Variants in L3MBTL4 observed in about 807,000 individuals in gnomAD.
The protein encoded by L3MBTL4 is lethal(3)malignant brain tumor-like protein 4.
Under a neutral mutation model 84.5 loss-of-function variants are expected in L3MBTL4, and 70 were observed. That is an observed-to-expected ratio of 0.83 (90% CI 0.68 to 1.01). L3MBTL4 has a LOEUF of 1.01. Among genes scored for constraint, L3MBTL4 ranks in the 50% least tolerant of loss-of-function variants. L3MBTL4 has a pLI of 0.00. For synonymous variants in L3MBTL4, 274 were observed against 259.8 expected (o/e 1.05, Z -0.52); for missense variants, 715 against 754.8 (o/e 0.95, Z 0.62).
chr18:6,372,983 T>A (rs961253038), intron 1 of L3MBTL4, among the ~76,000 whole-genome samples: 6 of 152,220 alleles, frequency 3.9e-5, no homozygotes, highest in African/African-American at 1.4e-4. Flanking sequence ...CAAAGCACAT[T>A]TAAATATACA....
chr18:6,297,770 A>G (rs75604846), intron 4 of L3MBTL4, among the ~76,000 whole-genome samples: 3,214 of 152,334 alleles, frequency 0.021, 61 homozygotes, highest in Non-Finnish European at 0.033. Flanking sequence ...TTCTTACTCT[A>G]CAGGTAAGTG....
chr18:6,330,580 C>T (rs1042445116), intron 1 of L3MBTL4, among the ~76,000 whole-genome samples: 1 of 152,338 alleles, frequency 6.6e-6, no homozygotes, highest in Middle Eastern at 3.4e-3. Flanking sequence ...GAATATCTCC[C>T]TTAAAGTCAG....
chr18:6,050,810 T>C (rs1464898110), intron 16 of L3MBTL4, among the ~76,000 whole-genome samples: 1 of 152,172 alleles, frequency 6.6e-6, no homozygotes, highest in Non-Finnish European at 1.5e-5. Context: ...TCCCAGCTCA[T>C]AATGGGAAAA....
chr18:6,074,641 A>G (rs1300873716), intron 16 of L3MBTL4, among the ~76,000 whole-genome samples: 1 of 152,108 alleles, frequency 6.6e-6, no homozygotes, highest in Non-Finnish European at 1.5e-5. Context: ...TTGTTGGGGG[A>G]CTGGTGTTAT....
At chr18:6,087,045 T>C (rs2058281829) in intron 15 of L3MBTL4, among the ~76,000 whole-genome samples, 1 of 152,216 alleles carries the variant, frequency 6.6e-6, no homozygotes, top group Admixed American at 6.5e-5. Context: ...GTGATTTTCT[T>C]ATCACCAAGG....
chr18:6,370,244 G>A (rs987258599), intron 1 of L3MBTL4, among the ~76,000 whole-genome samples: 1 of 151,928 alleles, frequency 6.6e-6, no homozygotes, highest in Admixed American at 6.6e-5. Context: ...TCTCTTGCTT[G>A]TGCACCCAGG....
In L3MBTL4 at chr18:6,375,986, C is replaced by A. The variant is rs147774409; in HGVS notation, c.-91+38815G>T. On this transcript the variant is annotated intron_variant, in intron 1 of 18. Coordinates refer to ENST00000317931, the MANE Select transcript of L3MBTL4 (RefSeq NM_001330559.2). ...TGTTGTGGCTAAGAACTCATCCCTG[C>A]CCTGCTCAAGTTGCCAGTAGCTTCC... Among the ~76,000 whole-genome samples the A allele has an allele frequency of 3.3e-5, 5 of 152,284 alleles. No homozygotes were observed. In the East Asian group the frequency reaches 9.7e-4, roughly 29 times the overall value.
chr18:6,218,537 G>C (rs988544289), intron 10 of L3MBTL4, among the ~76,000 whole-genome samples: 8 of 152,154 alleles, frequency 5.3e-5, no homozygotes, highest in Admixed American at 3.3e-4. Context: ...CTGGTAAAGA[G>C]ACTTGGCATG....
At chr18:6,038,496 C>T (rs2056250643) in intron 16 of L3MBTL4, among the ~76,000 whole-genome samples, 1 of 151,990 alleles carries the variant, frequency 6.6e-6, no homozygotes, top group South Asian at 2.1e-4. Flanking sequence ...CCTCATGATC[C>T]TCCTGCCTCG....
intron 12 of L3MBTL4, among the ~76,000 whole-genome samples, chr18:6,208,116 AAAATAAAT>A (rs71163265): frequency 0.025 from 3,626 of 144,488 alleles, 100 homozygotes; most frequent in African/African-American, 0.068. Flanking sequence ...CCCTGTCTAA[AAAATAAAT>A]AAATAAATAA....
intron 14 of L3MBTL4, among the ~76,000 whole-genome samples, chr18:6,122,929 C>T (rs1304852368): frequency 6.6e-6 from 1 of 152,152 alleles, no homozygotes; most frequent in East Asian, 1.9e-4. Context: ...TTTTAATGCA[C>T]ATTACAGAGT....
intron 1 of L3MBTL4, among the ~76,000 whole-genome samples, chr18:6,362,441 T>C (rs1005894058): frequency 3.9e-5 from 6 of 152,214 alleles, no homozygotes; most frequent in African/African-American, 1.4e-4. Flanking sequence ...TCTCTCCTTC[T>C]GCTAACAGAG....
chr18:6,339,381 G>T (rs996663283), intron 1 of L3MBTL4, among the ~76,000 whole-genome samples: 4 of 152,164 alleles, frequency 2.6e-5, no homozygotes, highest in Non-Finnish European at 5.9e-5. Flanking sequence ...GAAATTGAAT[G>T]CTTCTAATAT....
chr18:6,315,913 G>A (rs1328579716), intron 1 of L3MBTL4, among the ~76,000 whole-genome samples: 2 of 152,130 alleles, frequency 1.3e-5, no homozygotes, highest in Non-Finnish European at 2.9e-5. Flanking sequence ...TATTAATTCT[G>A]CACCCATAAG....
chr18:6,095,379 G>C lies in L3MBTL4; in HGVS notation c.1200-1851C>G, dbSNP rs1173275150. Among the ~76,000 whole-genome samples, 27 of 137,626 alleles carry C rather than the reference G, an allele frequency of 2.0e-4. No individual in the cohort carries two copies. The Admixed American group carries it at 2.0e-3, about 10-fold the overall frequency. The allele number at this position is 137,626 out of a possible 152,430, so 90.3% of individuals were successfully genotyped here. ...TTTTTTTTTTTTGAGATGGAGTCTC[G>C]CTCCGTCGCCCAGGCTGGAGTGCAG... On this transcript the variant is annotated intron_variant, in intron 14 of 18. Transcript: ENST00000317931.
chr18:6,388,023 G>T (rs341196), intron 1 of L3MBTL4, among the ~76,000 whole-genome samples: 78,064 of 151,892 alleles, frequency 0.51, 20,138 homozygotes, highest in East Asian at 0.59. Flanking sequence ...GGTGCTCAGA[G>T]TCACCAGGCC....
intron 1 of L3MBTL4, among the ~76,000 whole-genome samples, chr18:6,400,167 TAA>T (rs2055449671): frequency 1.3e-5 from 2 of 152,218 alleles, no homozygotes; most frequent in Non-Finnish European, 2.9e-5. Flanking sequence ...TGTTTTATGT[TAA>T]ATGTATCACA....
intron 13 of L3MBTL4, among the ~76,000 whole-genome samples, chr18:6,138,736 G>A (rs1171904864): frequency 6.6e-6 from 1 of 152,080 alleles, no homozygotes; most frequent in African/African-American, 2.4e-5. Context: ...ATTTTTAGTA[G>A]AGACAGGGTT....
intron 14 of L3MBTL4, among the ~76,000 whole-genome samples, chr18:6,097,206 C>G (rs570627838): frequency 6.6e-6 from 1 of 152,232 alleles, no homozygotes; most frequent in Non-Finnish European, 1.5e-5. Flanking sequence ...GCTAAATAAA[C>G]AAAAAGTTGC....
Sources: gnomAD v4.1 joint callset for allele counts (sites outside exome capture counted in the v4.1 genomes callset) on GRCh38, gnomAD v4.1.1 for gene constraint, MANE v1.5 for transcripts, NCBI Gene and HGNC (gene_info 2026-07-23, HGNC 2026-07-21) for gene names.